The following GRHL1 variants were observed in gnomAD, a reference collection of about 807,000 sequenced individuals.
The protein encoded by GRHL1 is grainyhead like transcription factor 1, also known as grainyhead-like protein 1 homolog.
GRHL1 carries 38 observed loss-of-function variants against 75.7 expected under a neutral mutation model. That is an observed-to-expected ratio of 0.50 (90% confidence interval 0.39 to 0.66). The LOEUF (loss-of-function observed/expected upper bound fraction) is 0.66, where lower values mean the gene tolerates loss of function less well. Among genes scored for constraint, GRHL1 ranks in the 30% least tolerant of loss-of-function variants. GRHL1 has a pLI of 0.00. For synonymous variants in GRHL1, 266 were observed against 279.4 expected, an observed-to-expected ratio of 0.95 and a Z score of 0.48; for missense variants, 589 against 767.5, an observed-to-expected ratio of 0.77 and a Z score of 2.75.
intron 12 of GRHL1, among the ~76,000 whole-genome samples, chr2:9,994,534 C>T (rs891210641): frequency 6.6e-6 from 1 of 152,142 alleles, no homozygotes. Context: ...TGGGGACATT[C>T]ATGCCCCACA....
chr2:9,967,094 C>T (rs1028528713), intron 8 of GRHL1, among the ~76,000 whole-genome samples: 3 of 152,222 alleles, frequency 2.0e-5, no homozygotes, highest in Non-Finnish European at 4.4e-5. Context: ...GTGTTACTTG[C>T]TGTTTGCCAT....
intron 8 of GRHL1, among the ~76,000 whole-genome samples, chr2:9,970,943 G>A (rs529712780): frequency 6.6e-5 from 10 of 152,188 alleles, no homozygotes; most frequent in Non-Finnish European, 1.0e-4. Flanking sequence ...ATGGGAAACC[G>A]GTATCTCTCT....
intron 5 of GRHL1, 80 bp from the exon 6 acceptor site, chr2:9,963,806 C>A: frequency 1.1e-6 from 1 of 926,280 alleles, no homozygotes; most frequent in Non-Finnish European, 1.6e-6. Flanking sequence ...AAAAAGATAG[C>A]AAATGCTATT....
intron 3 of GRHL1, chr2:9,960,797 G>T: frequency 2.4e-6 from 1 of 424,360 alleles, no homozygotes; most frequent in Non-Finnish European, 4.2e-6. Context: ...GGAAAGTAAA[G>T]CTTGTTAGAG....
rs1162008361 is a variant in GRHL1, at chr2:9,998,649, TACATATAC to T, written c.1678-314_1678-307del. On this transcript the variant is annotated intron_variant, in intron 14 of 15. Coordinates refer to ENST00000324907, the MANE Select transcript of GRHL1 (RefSeq NM_198182.3). ...ACATATACATATATATGTACACATA[TACATATAC>T]ATATATATGTACACATATATATACA... Among the ~76,000 whole-genome samples, 4 of 43,632 alleles carry T rather than the reference TACATATAC, an allele frequency of 9.2e-5. 2 individuals carry two copies. Among genetic ancestry groups the T allele is most frequent in the African/African-American group, 8.0e-4 (4 of 5,016 alleles). The allele number at this position is 43,632 out of a possible 152,430, so 28.6% of individuals were successfully genotyped here.
intron 8 of GRHL1, among the ~76,000 whole-genome samples, chr2:9,984,029 C>T (rs1186766260): frequency 2.0e-5 from 3 of 152,048 alleles, no homozygotes; most frequent in Non-Finnish European, 1.5e-5. Flanking sequence ...TGGTGCAAGC[C>T]TGTAATCCTG....
chr2:9,997,825 A>C (rs1272953284), intron 14 of GRHL1, among the ~76,000 whole-genome samples: 6 of 152,054 alleles, frequency 3.9e-5, no homozygotes, highest in Non-Finnish European at 1.5e-5. Context: ...TCTCAAAAAA[A>C]AAAAAACAAC....
intron 8 of GRHL1, among the ~76,000 whole-genome samples, chr2:9,984,359 A>G (rs1232509904): frequency 6.6e-6 from 1 of 152,170 alleles, no homozygotes; most frequent in Admixed American, 6.5e-5. Context: ...TCTTAGTTTT[A>G]AAAACTGTAA....
intron 8 of GRHL1, chr2:9,965,897 G>A (rs1341660278): frequency 1.3e-5 from 2 of 152,424 alleles, no homozygotes; most frequent in East Asian, 3.8e-4. Context: ...CAGTTCAGTT[G>A]GAGTAACTCT....
At chr2:9,979,782 C>A (rs3791758) in intron 8 of GRHL1, among the ~76,000 whole-genome samples, 1 of 152,014 alleles carries the variant, frequency 6.6e-6, no homozygotes, top group Admixed American at 6.5e-5. Context: ...ATGAAAAATA[C>A]CCTGATATGT....
Position 9,990,551 on chromosome 2 carries a change from G to GATAA in GRHL1, c.1270-144_1270-141dup. 1 of 455,652 alleles carries GATAA rather than the reference G, an allele frequency of 2.2e-6. No homozygotes were observed. The highest frequency in any genetic ancestry group is 4.0e-6 in the Non-Finnish European group (1 of 248,562). 28.2% of individuals were successfully genotyped at this position (455,652 alleles called of 1,614,324 possible). ...TAATCTTTTTAGAAGAAACTACTAT[G>GATAA]ATAAGCCTCATGAATATAGTAAGTA... On this transcript the variant is annotated intron_variant, in intron 9 of 15. Transcript: ENST00000324907. The surrounding 1 kb of genome is among the most constrained non-coding windows in gnomAD (Gnocchi z 4.2).
Position 9,951,809 on chromosome 2 carries a change from G to A in GRHL1, c.-25G>A. On this transcript the variant is annotated 5_prime_UTR_variant, in exon 1 of 16. Coordinates refer to ENST00000324907, the MANE Select transcript of GRHL1 (RefSeq NM_198182.3). The surrounding 1 kb of genome is among the most constrained non-coding windows in gnomAD (Gnocchi z 4.2). ...TCCCAACCCGAAAGTCCAGTTCTGCGGCCCGGCAGCGGCGAGCGGGCGCGA... is the reference window on the plus strand; with the variant it reads ...TCCCAACCCGAAAGTCCAGTTCTGCAGCCCGGCAGCGGCGAGCGGGCGCGA... 1 of 1,528,908 alleles carries A rather than the reference G, an allele frequency of 6.5e-7. No homozygotes were observed. Among genetic ancestry groups the A allele is most frequent in the Non-Finnish European group, 8.8e-7 (1 of 1,136,980 alleles). 94.7% of individuals were successfully genotyped at this position (1,528,908 alleles called of 1,614,324 possible).
chr2:9,951,743 A>AGCCGCCGCC lies in GRHL1; in HGVS notation c.-84_-76dup. On this transcript the variant is annotated 5_prime_UTR_variant, in exon 1 of 16. Coordinates refer to ENST00000324907, the MANE Select transcript of GRHL1 (RefSeq NM_198182.3). The surrounding 1 kb of genome is among the most constrained non-coding windows in gnomAD (Gnocchi z 4.2). ...GTCGGGGCCGCCGCTCCGGACCCGC[A>AGCCGCCGCC]GCCGCCGCCGCCGCCTCCTCCCCCC... 8.1e-7 allele frequency: 1 copy of AGCCGCCGCC among 1,233,088 alleles called. No homozygotes were observed. Among genetic ancestry groups the AGCCGCCGCC allele is most frequent in the African/African-American group, 1.6e-5 (1 of 62,338 alleles). 76.4% of individuals were successfully genotyped at this position (1,233,088 alleles called of 1,614,324 possible).
At position 9,998,571 on chromosome 2, in the gene GRHL1, T is replaced by G. The variant is rs1173116994; in HGVS notation, c.1678-394T>G. Among the ~76,000 whole-genome samples the G allele has an allele frequency of 2.6e-5, 2 of 76,412 alleles. 1 individual carries two copies. The highest frequency in any genetic ancestry group is 1.2e-4 in the African/African-American group (2 of 17,146). 50.1% of individuals were successfully genotyped at this position (76,412 alleles called of 152,430 possible). On this transcript the variant is annotated intron_variant, in intron 14 of 15. Coordinates refer to ENST00000324907, the MANE Select transcript of GRHL1 (RefSeq NM_198182.3). ...ATGTATATATGTGTGTACATGTATA[T>G]ATATACATATGTACATATATATGTA...
At position 9,992,676 on chromosome 2, in the gene GRHL1, T is replaced by C. The variant is rs1404855169; in HGVS notation, c.1461+530T>C. 6.6e-6 allele frequency among the ~76,000 whole-genome samples: 1 copy of C among 152,210 alleles called. No individual in the cohort carries two copies. On this transcript the variant is annotated intron_variant, in intron 11 of 15. Transcript: ENST00000324907. The surrounding 1 kb of genome is among the most constrained non-coding windows in gnomAD (Gnocchi z 4.6). ...GGCTTACAAGGGATAGAAACTTCAG[T>C]AGAATGAAGCATGGTTTTATGCTGA...
At chr2:9,967,339 G>A (rs1048390815) in intron 8 of GRHL1, among the ~76,000 whole-genome samples, 4 of 152,248 alleles carry the variant, frequency 2.6e-5, no homozygotes, top group Admixed American at 1.3e-4. Flanking sequence ...AAGGCCCAGC[G>A]CATGGGCAGG....
At position 9,995,912 on chromosome 2, in the gene GRHL1, A is replaced by C. The variant is rs1364346255; in HGVS notation, c.1533A>C (p.Glu511Asp). 3 of 1,613,104 alleles carry C rather than the reference A, an allele frequency of 1.9e-6. No homozygotes were observed. In the African/African-American group the frequency reaches 4.0e-5, roughly 22 times the overall value. The change falls in exon 13 of 16, where the codon GAA becomes GAC. Residue 511 changes from glutamate to aspartate, a missense_variant. Glu to Asp is a conservative substitution (Grantham distance 45). Coordinates refer to ENST00000324907, the MANE Select transcript of GRHL1 (RefSeq NM_198182.3). ...TGAAAAGGGGGCCGTACGGCACAGA[A>C]GATGACTTTGCTGTCCCTCCTTCTA... ...SVLKRGPYGT[E>D]DDFAVPPSTK...
chr2:9,991,734 C>T (rs752930351), intron 10 of GRHL1, among the ~76,000 whole-genome samples: 1 of 152,190 alleles, frequency 6.6e-6, no homozygotes, highest in Non-Finnish European at 1.5e-5. Flanking sequence ...CTGCCTCTGT[C>T]GCAAATCTTC....
intron 8 of GRHL1, 69 bp downstream of exon 8, chr2:9,965,450 A>G (rs1572345488): frequency 1.2e-6 from 1 of 841,374 alleles, no homozygotes. Flanking sequence ...ATGATTTGAC[A>G]ACTGATTTTT....
Sources: allele counts gnomAD v4.1 joint callset (sites outside exome capture counted in the v4.1 genomes callset), GRCh38; gene constraint gnomAD v4.1.1; non-coding constraint Gnocchi (gnomAD v3.1); transcripts MANE v1.5; gene names NCBI Gene and HGNC (gene_info 2026-07-23, HGNC 2026-07-21).